Variants in PCDHGA7 observed in about 807,000 individuals in gnomAD.
PCDHGA7 encodes the protein protocadherin gamma subfamily A, 7, also known as protocadherin gamma-A7.
A neutral mutation model predicts 58.3 loss-of-function variants in PCDHGA7; 44 were observed. The ratio of observed to expected loss-of-function variants is 0.75; its 90% CI spans 0.59 to 0.97. PCDHGA7 has a LOEUF of 0.97. Among genes scored for constraint, PCDHGA7 ranks in the 50% least tolerant of loss-of-function variants. The pLI, the probability that PCDHGA7 is intolerant of heterozygous loss-of-function variation, is 0.00. For synonymous variants in PCDHGA7, 516 were observed against 504.2 expected, an observed-to-expected ratio of 1.02 and a Z score of -0.31; for missense variants, 1,266 against 1,188.7, an observed-to-expected ratio of 1.06 and a Z score of -0.96.
Position 141,432,039 on chromosome 5 carries a change from G to C in PCDHGA7, c.2424+46716G>C. ...AACATCACAGTGACCGCCACTGACC[G>C]GGGAACCCCGCCCCTATCCACGGAA... On this transcript the variant is annotated intron_variant, in intron 1 of 3. Transcript: ENST00000518325. This position sits in a 1 kb window ranked among gnomAD's most constrained non-coding sequence, Gnocchi z 6.0. 6.2e-7 allele frequency: 1 copy of C among 1,614,176 alleles called. No homozygotes were observed. Among genetic ancestry groups the C allele is most frequent in the Non-Finnish European group, 8.5e-7 (1 of 1,180,028 alleles).
rs1315773619 is a variant in PCDHGA7, at chr5:141,385,276, A to T, written c.2377A>T (p.Thr793Ser). ...ESCEKNDSLL[T>S]SVDFQECKEN... ...CTGTGAGAAAAATGATTCTTTGCTA[A>T]CATCCGTAGATTTTCAGGAATGTAA... The change falls in exon 1 of 4, where the codon ACA (threonine) becomes TCA (serine). Residue 793 changes from threonine (T) to serine (S), a missense_variant. Thr to Ser is a moderately conservative substitution (Grantham distance 58). Transcript: ENST00000518325. The T allele has an allele frequency of 1.9e-6, 3 of 1,613,446 alleles. No homozygotes were observed. The highest frequency in any genetic ancestry group is 2.5e-6 in the Non-Finnish European group (3 of 1,179,470).
intron 1 of PCDHGA7, among the ~76,000 whole-genome samples, chr5:141,461,805 C>T (rs773854105): frequency 4.6e-5 from 7 of 151,854 alleles, no homozygotes; most frequent in Non-Finnish European, 8.8e-5. Flanking sequence ...AGGTGCCCAC[C>T]ACCACACCCA....
intron 1 of PCDHGA7, chr5:141,427,864 A>G: frequency 6.4e-7 from 1 of 1,557,574 alleles, no homozygotes; most frequent in Non-Finnish European, 8.8e-7. Flanking sequence ...TGCGCCTTCG[A>G]GCTCACGATG....
chr5:141,458,848 T>C (rs1044462303), intron 1 of PCDHGA7, among the ~76,000 whole-genome samples: 1 of 152,182 alleles, frequency 6.6e-6, no homozygotes, highest in Non-Finnish European at 1.5e-5. Flanking sequence ...TCCTCCCACC[T>C]CAGCCTTCCA....
At chr5:141,508,815 C>T (rs1190983144) in intron 3 of PCDHGA7, among the ~76,000 whole-genome samples, 1 of 152,138 alleles carries the variant, frequency 6.6e-6, no homozygotes, top group East Asian at 1.9e-4. Context: ...TCTTTGAAGC[C>T]AGATCTGGGC....
At chr5:141,409,734 G>A in intron 1 of PCDHGA7, 1 of 1,613,144 alleles carries the variant, frequency 6.2e-7, no homozygotes, top group East Asian at 2.2e-5. Flanking sequence ...AGCGCGCAGA[G>A]CGGGGTGGTG....
intron 1 of PCDHGA7, chr5:141,409,549 C>T: frequency 6.2e-7 from 1 of 1,614,004 alleles, no homozygotes; most frequent in Non-Finnish European, 8.5e-7. Context: ...ACGACAACGC[C>T]CCAGTTTTCG....
chr5:141,384,410 A>G lies in PCDHGA7; in HGVS notation c.1511A>G (p.Tyr504Cys). The G allele has an allele frequency of 6.2e-7, 1 of 1,613,844 alleles. No homozygotes were observed. The highest frequency in any genetic ancestry group is 8.5e-7 in the Non-Finnish European group (1 of 1,179,830). ...DTIQGAPVSS[Y>C]VSINSDTGVL... Reference sequence around the variant, plus strand: ...ATCCAGGGGGCTCCAGTGTCCTCCTATGTCTCCATAAACTCTGACACTGGA... The same window carrying G: ...ATCCAGGGGGCTCCAGTGTCCTCCTGTGTCTCCATAAACTCTGACACTGGA... The change falls in exon 1 of 4, where the codon TAT becomes TGT. Residue 504 changes from tyrosine (Y) to cysteine (C), a missense_variant. By Grantham distance (194) the Tyr-to-Cys change is radical (BLOSUM62 -2). Coordinates refer to ENST00000518325, the MANE Select transcript of PCDHGA7 (RefSeq NM_018920.4).
intron 1 of PCDHGA7, chr5:141,418,974 G>C (rs754074516): frequency 1.0e-4 from 167 of 1,613,818 alleles, no homozygotes; most frequent in Non-Finnish European, 1.4e-4. Flanking sequence ...TTCAAAACAC[G>C]GGACCAAGAC....
intron 1 of PCDHGA7, chr5:141,415,098 G>T (rs578221269): frequency 1.9e-5 from 31 of 1,613,588 alleles, no homozygotes; most frequent in African/African-American, 1.7e-4. Flanking sequence ...ACAGAGACGC[G>T]CTCAAGCAAA....
rs10040701 is a variant in PCDHGA7 at position 141,508,490 on chromosome 5, A to G, written c.2573-2457A>G. ...TCTTTCTTTTACATTCTGGATTTCC[A>G]TATCTTCTCTCCCTCCTGGTCCAGC... On this transcript the variant is annotated intron_variant, in intron 3 of 3. Transcript: ENST00000518325. Among the ~76,000 whole-genome samples, 377 of 152,202 alleles carry G rather than the reference A, an allele frequency of 2.5e-3. 1 individual carries two copies. The highest frequency in any genetic ancestry group is 8.6e-3 in the African/African-American group (358 of 41,530).
At chr5:141,467,208 A>G (rs1272958649) in intron 1 of PCDHGA7, among the ~76,000 whole-genome samples, 1 of 152,064 alleles carries the variant, frequency 6.6e-6, no homozygotes, top group East Asian at 1.9e-4. Flanking sequence ...ACATGCCACC[A>G]TGCCTGGCTA....
Position 141,432,736 on chromosome 5 carries a change from G to T in PCDHGA7, c.2424+47413G>T. On this transcript the variant is annotated intron_variant, in intron 1 of 3. Transcript: ENST00000518325. The surrounding 1 kb of genome is among the most constrained non-coding windows in gnomAD (Gnocchi z 6.0). ...AGCCCCCTCTCTCCGCCACTGTCACGCTCACCGTGGCCGTGGCCGACAGCA... is the reference window on the plus strand; with the variant it reads ...AGCCCCCTCTCTCCGCCACTGTCACTCTCACCGTGGCCGTGGCCGACAGCA... The T allele has an allele frequency of 6.2e-7, 1 of 1,614,058 alleles. No individual in the cohort carries two copies. The highest frequency in any genetic ancestry group is 8.5e-7 in the Non-Finnish European group (1 of 1,179,980).
Position 141,422,179 on chromosome 5 carries a change from A to G in PCDHGA7, c.2424+36856A>G, listed in dbSNP as rs757086661. The G allele has an allele frequency of 2.0e-5, 32 of 1,562,402 alleles. No homozygotes were observed. Among genetic ancestry groups the G allele is most frequent in the Non-Finnish European group, 2.6e-5 (30 of 1,159,048 alleles). ...TTTTGAAAAATATAGATTCTATGAG[A>G]TGGAAATTCAAGGCCAAGATGGTGG... is the stretch of plus-strand genomic sequence containing the variant. On this transcript the variant is annotated intron_variant, in intron 1 of 3. Coordinates refer to ENST00000518325, the MANE Select transcript of PCDHGA7 (RefSeq NM_018920.4).
chr5:141,440,618 C>G (rs1287745652), intron 1 of PCDHGA7: 3 of 152,196 alleles, frequency 2.0e-5, no homozygotes, highest in South Asian at 2.1e-4. Context: ...GCAGAAGATC[C>G]TGATGTTGAG....
chr5:141,410,844 TTTGTC>T, intron 1 of PCDHGA7: 1 of 422,400 alleles, frequency 2.4e-6, no homozygotes, highest in Non-Finnish European at 3.9e-6. Context: ...ATATTTTGTC[TTTGTC>T]TTTTTTTTTT....
intron 1 of PCDHGA7, among the ~76,000 whole-genome samples, chr5:141,494,113 C>G (rs2099751999): frequency 6.6e-6 from 1 of 152,214 alleles, no homozygotes; most frequent in Non-Finnish European, 1.5e-5. Flanking sequence ...TCAGACAGAG[C>G]AGCCTTGTTC....
chr5:141,427,099 A>G (rs989437547), intron 1 of PCDHGA7: 3 of 457,936 alleles, frequency 6.6e-6, no homozygotes, highest in African/African-American at 6.0e-5. Context: ...GAGGGTGTCA[A>G]TGCGGAGATC....
intron 1 of PCDHGA7, chr5:141,421,647 G>A: frequency 6.2e-7 from 1 of 1,613,872 alleles, no homozygotes; most frequent in Non-Finnish European, 8.5e-7. Context: ...ACGAAGTGGA[G>A]ATAAAAGTCA....
Sources: allele counts gnomAD v4.1 joint callset (sites outside exome capture counted in the v4.1 genomes callset), GRCh38; gene constraint gnomAD v4.1.1; non-coding constraint Gnocchi (gnomAD v3.1); transcripts MANE v1.5; gene names NCBI Gene and HGNC (gene_info 2026-07-23, HGNC 2026-07-21).